The following INSR variants were observed in gnomAD, a reference collection of about 807,000 sequenced individuals.
INSR encodes the protein insulin receptor.
In INSR, 67 loss-of-function variants were observed where a neutral mutation model predicts 142.6. The ratio of observed to expected loss-of-function variants is 0.47; its 90% CI spans 0.39 to 0.58. The LOEUF (loss-of-function observed/expected upper bound fraction) is 0.58, where lower values mean the gene tolerates loss of function less well. Ranked by LOEUF, INSR falls within the 20% of genes least tolerant of loss-of-function variation. The probability of loss-of-function intolerance (pLI) is 0.00; values close to 1 mark genes in which losing one functional copy is unlikely to be tolerated. For missense variants in INSR, 1,248 were observed against 1,833.2 expected, an observed-to-expected ratio of 0.68 and a Z score of 5.83; for synonymous variants, 756 against 743.1, an observed-to-expected ratio of 1.02 and a Z score of -0.28.
chr19:7,154,336 T>C (rs1210079090), intron 9 of INSR, among the ~76,000 whole-genome samples: 6 of 136,344 alleles, frequency 4.4e-5, no homozygotes, highest in Non-Finnish European at 6.3e-5. Flanking sequence ...GGAGTCTCGT[T>C]CTGTTACCCA....
chr19:7,245,638 G>A (rs1460746457), intron 2 of INSR, among the ~76,000 whole-genome samples: 1 of 151,906 alleles, frequency 6.6e-6, no homozygotes, highest in Admixed American at 6.6e-5. Flanking sequence ...TAGTAGCGGG[G>A]TTTCACTGTG....
At chr19:7,179,220 T>C (rs953400059) in intron 3 of INSR, among the ~76,000 whole-genome samples, 8 of 152,176 alleles carry the variant, frequency 5.3e-5, no homozygotes, top group African/African-American at 1.9e-4. Flanking sequence ...CCAGGTTTAT[T>C]TTCATTCTGT....
chr19:7,242,033 T>A (rs2145152036), intron 2 of INSR, among the ~76,000 whole-genome samples: 1 of 151,778 alleles, frequency 6.6e-6, no homozygotes, highest in East Asian at 1.9e-4. Context: ...GCACCTGTAA[T>A]CCCAGCTGCT....
chr19:7,117,374 G>C lies in INSR; in HGVS notation c.3831C>G (p.Pro1277=). The C allele has an allele frequency of 1.2e-6, 2 of 1,614,062 alleles. No individual in the cohort carries two copies. Among genetic ancestry groups the C allele is most frequent in the South Asian group, 1.1e-5 (1 of 91,088 alleles). The change falls in exon 22 of 22, where the codon CCC becomes CCG. Residue 1277 remains proline (P), a synonymous_variant. Coordinates refer to ENST00000302850, the MANE Select transcript of INSR (RefSeq NM_000208.4). The part of the protein sequence containing the change: ...DLMRMCWQFN[P]KMRPTFLEIV... Reference sequence around the variant, plus strand: ...TCTCCAGGAAGGTTGGCCTCATCTTGGGGTTGAATTGCCAGCACATGCGCA... The same window carrying C: ...TCTCCAGGAAGGTTGGCCTCATCTTCGGGTTGAATTGCCAGCACATGCGCA...
chr19:7,197,997 G>A (rs1974832309), intron 2 of INSR, among the ~76,000 whole-genome samples: 1 of 136,544 alleles, frequency 7.3e-6, no homozygotes, highest in African/African-American at 2.6e-5. Flanking sequence ...GTGTGTGTGT[G>A]TCCATGGTGG....
intron 2 of INSR, among the ~76,000 whole-genome samples, chr19:7,261,956 A>G (rs1332321942): frequency 6.6e-6 from 1 of 152,228 alleles, no homozygotes; most frequent in Non-Finnish European, 1.5e-5. Flanking sequence ...CAGCACCTTC[A>G]TCCTAAATGT....
chr19:7,126,365 G>T (rs553724450), intron 16 of INSR, among the ~76,000 whole-genome samples: 2 of 152,238 alleles, frequency 1.3e-5, no homozygotes, highest in Non-Finnish European at 1.5e-5. Flanking sequence ...GTCCCAGACC[G>T]GCTAGATGAG....
chr19:7,219,929 A>G (rs112990385), intron 2 of INSR, among the ~76,000 whole-genome samples: 8 of 89,186 alleles, frequency 9.0e-5, no homozygotes, highest in Admixed American at 1.2e-4. Context: ...AAATCTCTCT[A>G]TCACTCCCAC....
Position 7,184,506 on chromosome 19 carries a change from C to T in INSR, c.784G>A (p.Gly262Ser), listed in dbSNP as rs141484557. ...CVACRNFYLD[G>S]RCVETCPPPY... Reference sequence around the variant, plus strand: ...GGCGGGCAGGTCTCCACACACCTGCCGTCCAGGTAGAAGTTGCGGCAGGCC... The same window carrying T: ...GGCGGGCAGGTCTCCACACACCTGCTGTCCAGGTAGAAGTTGCGGCAGGCC... The change falls in exon 3 of 22, where the codon GGC (glycine) becomes AGC (serine). Residue 262 changes from glycine to serine, a missense_variant. Gly to Ser is a moderately conservative substitution (Grantham distance 56). Coordinates refer to ENST00000302850, the MANE Select transcript of INSR (RefSeq NM_000208.4). The T allele has an allele frequency of 4.3e-6, 7 of 1,613,898 alleles. No individual in the cohort carries two copies. Among genetic ancestry groups the T allele is most frequent in the East Asian group, 2.2e-5 (1 of 44,878 alleles).
In INSR at chr19:7,192,336, G is replaced by C. The variant is rs1018289341; in HGVS notation, c.653-7699C>G. 3.3e-5 allele frequency among the ~76,000 whole-genome samples: 5 copies of C among 151,798 alleles called. No homozygotes were observed. Among genetic ancestry groups the C allele is most frequent in the Non-Finnish European group, 7.4e-5 (5 of 67,958 alleles). ...AAAATCACAGGCAGCCCAGGCTGGG[G>C]AAAGGGCATGACACAGATGAACTAG... On this transcript the variant is annotated intron_variant, in intron 2 of 21. Transcript: ENST00000302850. The surrounding 1 kb of genome is among the most constrained non-coding windows in gnomAD (Gnocchi z 4.2).
intron 9 of INSR, among the ~76,000 whole-genome samples, chr19:7,157,500 C>T (rs1216882910): frequency 2.9e-5 from 4 of 139,204 alleles, no homozygotes; most frequent in Non-Finnish European, 6.1e-5. Flanking sequence ...TGAGCTCGAA[C>T]GATCTGCCCG....
chr19:7,212,048 C>A (rs1219228010), intron 2 of INSR, among the ~76,000 whole-genome samples: 4 of 152,106 alleles, frequency 2.6e-5, no homozygotes, highest in Admixed American at 6.6e-5. Flanking sequence ...GGATCTTCAT[C>A]TGGGGAGGGG....
chr19:7,194,767 C>A (rs984655549), intron 2 of INSR, among the ~76,000 whole-genome samples: 5 of 150,994 alleles, frequency 3.3e-5, no homozygotes, highest in Non-Finnish European at 7.4e-5. Flanking sequence ...TCTGCCTTGG[C>A]CTCTTAAAGT....
At chr19:7,247,628 G>C (rs1017918909) in intron 2 of INSR, among the ~76,000 whole-genome samples, 3 of 152,208 alleles carry the variant, frequency 2.0e-5, no homozygotes, top group African/African-American at 7.2e-5. Context: ...CCAGTTCAAA[G>C]CTGAGGAAAA....
At chr19:7,172,964 T>C (rs1021187350) in intron 4 of INSR, among the ~76,000 whole-genome samples, 12 of 152,300 alleles carry the variant, frequency 7.9e-5, no homozygotes, top group Middle Eastern at 3.4e-3. Context: ...CTACCTGTTT[T>C]GTAAATAAAG....
intron 1 of INSR, among the ~76,000 whole-genome samples, chr19:7,285,102 G>C (rs1968311819): frequency 6.6e-6 from 1 of 152,018 alleles, no homozygotes; most frequent in African/African-American, 2.4e-5. Context: ...ATCACTTGAG[G>C]CCAGGAGTTC....
intron 2 of INSR, among the ~76,000 whole-genome samples, chr19:7,206,684 AG>A (rs1351872972): frequency 6.6e-6 from 1 of 152,020 alleles, no homozygotes; most frequent in Non-Finnish European, 1.5e-5. Context: ...ACCCAGGAGG[AG>A]GAGGTTTCAG....
Position 7,132,164 on chromosome 19 carries a change from C to A in INSR, c.2836G>T (p.Asp946Tyr), listed in dbSNP as rs1368109949. The change falls in exon 14 of 22, where the codon GAC becomes TAC. Residue 946 changes from aspartate to tyrosine, a missense_variant. This residue lies in a region of INSR where 1,069 missense variants were observed against 1,654.0 expected (regional missense o/e 0.65). Coordinates refer to ENST00000302850, the MANE Select transcript of INSR (RefSeq NM_000208.4). ...GGCTGCCATGGAGACTTACAATAGT[C>A]TGTCACGTAGAAATAGGTGGGTTCC... ...WTEPTYFYVT[D>Y]YLDVPSNIAK... 1.9e-6 allele frequency: 3 copies of A among 1,614,140 alleles called. No individual in the cohort carries two copies. The highest frequency in any genetic ancestry group is 2.5e-6 in the Non-Finnish European group (3 of 1,179,986).
At chr19:7,180,578 G>A (rs184734646) in intron 3 of INSR, among the ~76,000 whole-genome samples, 1 of 147,580 alleles carries the variant, frequency 6.8e-6, no homozygotes, top group East Asian at 2.0e-4. Flanking sequence ...AAATCGAAGA[G>A]TTAAAACTAA....
Sources: gnomAD v4.1 joint callset for allele counts (sites outside exome capture counted in the v4.1 genomes callset) on GRCh38, gnomAD v4.1.1 for gene constraint, gnomAD v4.1.1 regional missense constraint, Gnocchi (gnomAD v3.1) non-coding constraint, MANE v1.5 for transcripts, NCBI Gene and HGNC (gene_info 2026-07-23, HGNC 2026-07-21) for gene names.